The following MGAT4C variants were observed in gnomAD, a reference collection of about 807,000 sequenced individuals.
The protein encoded by MGAT4C is MGAT4 family member C, also known as alpha-1,3-mannosyl-glycoprotein 4-beta-N-acetylglucosaminyltransferase C.
Under a neutral mutation model 40.1 loss-of-function variants are expected in MGAT4C, and 19 were observed. The observed-to-expected ratio is 0.47, with a 90% CI of 0.33 to 0.70. MGAT4C has a LOEUF of 0.70. MGAT4C is among the 30% of genes least tolerant of loss of function. MGAT4C has a pLI of 0.02. For missense variants in MGAT4C, 491 were observed against 563.2 expected, an observed-to-expected ratio of 0.87 and a Z score of 1.30; for synonymous variants, 181 against 187.1, an observed-to-expected ratio of 0.97 and a Z score of 0.27.
intron 2 of MGAT4C, among the ~76,000 whole-genome samples, chr12:86,615,369 T>C (rs576013242): frequency 2.0e-5 from 3 of 152,164 alleles, no homozygotes; most frequent in African/African-American, 7.2e-5. Flanking sequence ...AGAAGACAGG[T>C]ACATTAGTGA....
chr12:85,959,272 A>T lies in MGAT4C; in HGVS notation c.*20017T>A, dbSNP rs1168772315. 1.3e-5 allele frequency: 2 copies of T among 152,132 alleles called. No homozygotes were observed. The highest frequency in any genetic ancestry group is 1.3e-4 in the Admixed American group (2 of 15,264). The allele number at this position is 152,132 out of a possible 1,614,324, so 9.4% of individuals were successfully genotyped here. A position where few individuals can be genotyped will look rare whatever the true frequency, so the allele number is the denominator to read the frequency against. On this transcript the variant is annotated 3_prime_UTR_variant, in exon 5 of 5. Coordinates refer to ENST00000611864, the MANE Select transcript of MGAT4C (RefSeq NM_001351288.2). ...AAGGCAGAAAAGCTGGAAAAATCTC[A>T]TGAAGACTAGAAGATTTACACTCAT...
chr12:86,515,921 T>C (rs1035164114), intron 2 of MGAT4C, among the ~76,000 whole-genome samples: 7 of 151,940 alleles, frequency 4.6e-5, no homozygotes, highest in African/African-American at 1.7e-4. Flanking sequence ...TTTTTTTGTA[T>C]TTTTAGTAGA....
intron 1 of MGAT4C, among the ~76,000 whole-genome samples, chr12:86,740,272 A>G (rs767674610): frequency 1.3e-4 from 20 of 151,078 alleles, no homozygotes; most frequent in Non-Finnish European, 2.5e-4. Flanking sequence ...TACTTTTGTG[A>G]TGGTTCAAAA....
At chr12:85,997,839 T>A (rs61931065) in intron 2 of MGAT4C, among the ~76,000 whole-genome samples, 10,782 of 152,220 alleles carry the variant, frequency 0.071, 535 homozygotes, top group Middle Eastern at 0.24. Flanking sequence ...AGGTGCACAG[T>A]GCAAGCTGTC....
chr12:86,765,751 A>G (rs1359680329), intron 1 of MGAT4C, among the ~76,000 whole-genome samples: 1 of 152,230 alleles, frequency 6.6e-6, no homozygotes, highest in Admixed American at 6.5e-5. Context: ...CCAGAATTTC[A>G]TATCCAGCCA....
chr12:86,452,587 C>T (rs1476550967), intron 2 of MGAT4C, among the ~76,000 whole-genome samples: 1 of 151,904 alleles, frequency 6.6e-6, no homozygotes, highest in African/African-American at 2.4e-5. Flanking sequence ...ATACTGGGCT[C>T]AATTTTCTAC....
intron 4 of MGAT4C, among the ~76,000 whole-genome samples, chr12:86,283,683 A>T (rs1229182651): frequency 6.6e-6 from 1 of 152,092 alleles, no homozygotes; most frequent in African/African-American, 2.4e-5. Flanking sequence ...AGATTTTCAA[A>T]GCTCTGAGAT....
intron 4 of MGAT4C, among the ~76,000 whole-genome samples, chr12:86,275,022 G>A (rs1049300823): frequency 6.6e-6 from 1 of 152,182 alleles, no homozygotes; most frequent in Non-Finnish European, 1.5e-5. Context: ...CGGGTTTTGG[G>A]AAACTGAAGT....
At chr12:86,610,709 G>A (rs1962222029) in intron 2 of MGAT4C, among the ~76,000 whole-genome samples, 1 of 151,308 alleles carries the variant, frequency 6.6e-6, no homozygotes, top group Non-Finnish European at 1.5e-5. Context: ...TTAGCATTAG[G>A]TATATCTCCT....
intron 2 of MGAT4C, among the ~76,000 whole-genome samples, chr12:86,514,010 AG>A (rs1218779092): frequency 6.6e-6 from 1 of 151,394 alleles, no homozygotes; most frequent in Non-Finnish European, 1.5e-5. Context: ...AGGAAGTGCA[AG>A]CAGAAAGTGA....
At chr12:86,802,532 C>T (rs1168566227) in intron 1 of MGAT4C, among the ~76,000 whole-genome samples, 2 of 151,882 alleles carry the variant, frequency 1.3e-5, no homozygotes, top group African/African-American at 2.4e-5. Flanking sequence ...AATAATAATG[C>T]TATTCTATAT....
In MGAT4C at chr12:86,727,890, C is replaced by CA. The variant is rs1335949589; in HGVS notation, c.-261-650dup. 5.9e-5 allele frequency among the ~76,000 whole-genome samples: 9 copies of CA among 151,372 alleles called. No homozygotes were observed. The South Asian group carries it at 1.5e-3, about 25-fold the overall frequency. On this transcript the variant is annotated intron_variant, in intron 1 of 7. Coordinates refer to the MGAT4C transcript ENST00000548651. The stretch of plus-strand genomic sequence containing the variant: ...AAAAGTAGTGATATGACCACCAGAA[C>CA]AAAAAAAAGAAACAAACAAAAAACT...
chr12:86,768,045 A>C (rs368387961), intron 1 of MGAT4C, among the ~76,000 whole-genome samples: 1 of 152,098 alleles, frequency 6.6e-6, no homozygotes, highest in South Asian at 2.1e-4. Context: ...GGAAATAAAG[A>C]GTATTCAATT....
intron 2 of MGAT4C, among the ~76,000 whole-genome samples, chr12:86,531,979 G>T (rs1314708582): frequency 6.6e-6 from 1 of 151,806 alleles, no homozygotes; most frequent in African/African-American, 2.4e-5. Flanking sequence ...CATCTAATTG[G>T]TAAATTGCAA....
chr12:86,346,835 C>T (rs775557337), intron 3 of MGAT4C, among the ~76,000 whole-genome samples: 1 of 152,136 alleles, frequency 6.6e-6, no homozygotes, highest in East Asian at 1.9e-4. Context: ...ATCCAACCGG[C>T]TGCCAGTAGG....
intron 2 of MGAT4C, among the ~76,000 whole-genome samples, chr12:86,010,683 AACAAACAAACC>A (rs1888372863): frequency 1.2e-5 from 1 of 82,542 alleles, no homozygotes; most frequent in Non-Finnish European, 3.3e-5. Flanking sequence ...GTCTCTAACA[AACAAACAAACC>A]AACAAACAAA....
At chr12:86,036,407 A>G (rs1891243448) in intron 2 of MGAT4C, among the ~76,000 whole-genome samples, 1 of 150,002 alleles carries the variant, frequency 6.7e-6, no homozygotes, top group African/African-American at 2.4e-5. Context: ...TTCAAAAGGA[A>G]TGCTTCCAGT....
intron 4 of MGAT4C, among the ~76,000 whole-genome samples, chr12:86,299,754 A>G (rs1214662502): frequency 6.6e-6 from 1 of 152,300 alleles, no homozygotes; most frequent in South Asian, 2.1e-4. Context: ...GCCAAATTAT[A>G]TCTTCTATAT....
At chr12:86,206,386 A>C (rs1205816967) in intron 1 of MGAT4C, among the ~76,000 whole-genome samples, 1 of 152,196 alleles carries the variant, frequency 6.6e-6, no homozygotes, top group African/African-American at 2.4e-5. Flanking sequence ...GTTTGTCAGA[A>C]ATATCTATAC....
Sources: gnomAD v4.1 joint callset for allele counts (sites outside exome capture counted in the v4.1 genomes callset) on GRCh38, gnomAD v4.1.1 for gene constraint, MANE v1.5 for transcripts, NCBI Gene and HGNC (gene_info 2026-07-23, HGNC 2026-07-21) for gene names.